ELAPOR2: variants seen among roughly 807,000 people sequenced by gnomAD.
The protein encoded by ELAPOR2 is endosome/lysosome-associated apoptosis and autophagy regulator family member 2.
In ELAPOR2, 89 loss-of-function variants were observed where a neutral mutation model predicts 120.7. The ratio of observed to expected loss-of-function variants is 0.74; its 90% CI spans 0.62 to 0.88. The LOEUF (loss-of-function observed/expected upper bound fraction) is 0.88, where lower values mean the gene tolerates loss of function less well. Among genes scored for constraint, ELAPOR2 ranks in the 40% least tolerant of loss-of-function variants. The pLI is 0.00. For synonymous variants in ELAPOR2, 444 were observed against 444.9 expected (o/e 1.00, Z 0.03); for missense variants, 1,134 against 1,251.6 (o/e 0.91, Z 1.42).
intron 1 of ELAPOR2, among the ~76,000 whole-genome samples, chr7:86,999,352 T>A (rs1793235956): frequency 6.6e-6 from 1 of 152,100 alleles, no homozygotes; most frequent in Admixed American, 6.6e-5. Flanking sequence ...AAGAAACCTT[T>A]CCAAGAAAAG....
chr7:86,975,079 G>T (rs2116525802), intron 1 of ELAPOR2, among the ~76,000 whole-genome samples: 1 of 152,292 alleles, frequency 6.6e-6, no homozygotes, highest in South Asian at 2.1e-4. Context: ...TCAAACGAGA[G>T]AAAAGAGAAC....
At chr7:87,022,480 T>C (rs534657107) in intron 1 of ELAPOR2, among the ~76,000 whole-genome samples, 9 of 152,288 alleles carry the variant, frequency 5.9e-5, no homozygotes, top group Non-Finnish European at 1.2e-4. Flanking sequence ...CAGTCTATCA[T>C]TGTTGAACAT....
At chr7:86,909,223 G>A (rs1284455918) in intron 16 of ELAPOR2, among the ~76,000 whole-genome samples, 1 of 151,836 alleles carries the variant, frequency 6.6e-6, no homozygotes, top group African/African-American at 2.4e-5. Flanking sequence ...CCACACATCC[G>A]AATCACCTAT....
At chr7:87,006,651 A>G (rs1287266422) in intron 1 of ELAPOR2, among the ~76,000 whole-genome samples, 1 of 152,212 alleles carries the variant, frequency 6.6e-6, no homozygotes, top group Non-Finnish European at 1.5e-5. Context: ...GTAGTTTCCT[A>G]TACAGCTCAA....
At chr7:86,983,230 CG>C in intron 1 of ELAPOR2, among the ~76,000 whole-genome samples, 2 of 152,306 alleles carry the variant, frequency 1.3e-5, no homozygotes, top group East Asian at 3.9e-4. Context: ...CTGAAAGTGA[CG>C]GGCAGAATGG....
Position 86,914,830 on chromosome 7 carries a change from C to G in ELAPOR2, c.1624G>C (p.Glu542Gln), listed in dbSNP as rs1789489188. Residue 542 changes from glutamate (E) to glutamine (Q), a missense_variant, in exon 13 of 22, where the codon GAA becomes CAA. By Grantham distance (29) the Glu-to-Gln change is conservative. Around this residue, in one of 3 missense-constraint regions of ELAPOR2, gnomAD observed 831 missense variants for 867.6 expected, o/e 0.96. Transcript: ENST00000450689. ...TTTTCTTTGGTTCCACCCCACGATT[C>G]TACCACATTTGTACTTTTTCTATTA... ...DINRKSTNVV[E>Q]SWGGTKEKQA... The G allele has an allele frequency of 1.2e-6, 2 of 1,610,958 alleles. No homozygotes were observed. The highest frequency in any genetic ancestry group is 1.7e-6 in the Non-Finnish European group (2 of 1,178,624).
At chr7:86,955,959 AAAAAAAAAAGG>A (rs1214778648) in intron 2 of ELAPOR2, among the ~76,000 whole-genome samples, 1 of 112,444 alleles carries the variant, frequency 8.9e-6, no homozygotes, top group Non-Finnish European at 1.9e-5. Context: ...TGCAAAAAAC[AAAAAAAAAAGG>A]AAAAGAAAAG....
rs559732767 is a variant in ELAPOR2 at position 87,048,878 on chromosome 7, TTA to T, written c.189+10445_189+10446del. On this transcript the variant is annotated intron_variant, in intron 1 of 21. Transcript: ENST00000450689. ...TTCAGTGTTGTCCAGAGTATACAGT[TTA>T]TGTCCTTCAATCTAACTTTTCTGCT... Among the ~76,000 whole-genome samples, 180 of 152,360 alleles carry T rather than the reference TTA, an allele frequency of 1.2e-3. 1 individual carries two copies. The highest frequency in any genetic ancestry group is 4.1e-3 in the African/African-American group (171 of 41,588).
At chr7:86,890,002 T>C (rs1788064249) in intron 21 of ELAPOR2, among the ~76,000 whole-genome samples, 1 of 151,798 alleles carries the variant, frequency 6.6e-6, no homozygotes, top group Non-Finnish European at 1.5e-5. Flanking sequence ...GGTGTCCTAT[T>C]GGTAGTAGCT....
At chr7:87,054,784 G>A (rs1229962272) in intron 1 of ELAPOR2, among the ~76,000 whole-genome samples, 1 of 152,084 alleles carries the variant, frequency 6.6e-6, no homozygotes, top group Non-Finnish European at 1.5e-5. Context: ...CATCCCATAG[G>A]AAACACTCTG....
At chr7:86,965,924 G>T (rs1791885908) in intron 1 of ELAPOR2, 1 of 985,252 alleles carries the variant, frequency 1.0e-6, no homozygotes. Flanking sequence ...ACATCACCAT[G>T]CGGACATCAG....
intron 1 of ELAPOR2, among the ~76,000 whole-genome samples, chr7:87,046,080 G>A (rs895978885): frequency 6.6e-6 from 1 of 151,966 alleles, no homozygotes; most frequent in African/African-American, 2.4e-5. Context: ...AAAACTATTA[G>A]GACTGATAAA....
At chr7:87,043,818 T>G (rs1023424676) in intron 1 of ELAPOR2, among the ~76,000 whole-genome samples, 1 of 150,952 alleles carries the variant, frequency 6.6e-6, no homozygotes, top group Non-Finnish European at 1.5e-5. Flanking sequence ...GGAAGTCAAA[T>G]TGTCCCTGTT....
chr7:87,028,526 T>C (rs1034632007), intron 1 of ELAPOR2, among the ~76,000 whole-genome samples: 4 of 152,090 alleles, frequency 2.6e-5, no homozygotes, highest in African/African-American at 9.7e-5. Flanking sequence ...AATACATATA[T>C]ATAAATATAT....
At chr7:87,026,462 AAG>A (rs536845238) in intron 1 of ELAPOR2, among the ~76,000 whole-genome samples, 12 of 152,078 alleles carry the variant, frequency 7.9e-5, no homozygotes, top group African/African-American at 2.6e-4. Context: ...TAAAAAAAAA[AAG>A]ACTCTCTCAA....
chr7:86,900,771 T>C (rs1330008079), intron 18 of ELAPOR2, among the ~76,000 whole-genome samples: 1 of 152,202 alleles, frequency 6.6e-6, no homozygotes. Context: ...AGTCCTTCCG[T>C]GTGAAACAGG....
chr7:86,965,102 C>G (rs1382352120), intron 1 of ELAPOR2, 78 bp from the exon 2 acceptor site: 5 of 1,464,198 alleles, frequency 3.4e-6, no homozygotes, highest in African/African-American at 2.8e-5. Flanking sequence ...TCACCCCAAG[C>G]CCCTGTTTCC....
At chr7:86,932,559 A>G (rs995755834) in intron 8 of ELAPOR2, among the ~76,000 whole-genome samples, 25 of 151,942 alleles carry the variant, frequency 1.6e-4, no homozygotes, top group African/African-American at 5.1e-4. Context: ...TAAAATCTTA[A>G]GTCTTTTCTG....
Position 86,893,032 on chromosome 7 carries a change from C to T in ELAPOR2, c.2754G>A (p.Leu918=). 3 of 1,586,154 alleles carry T rather than the reference C, an allele frequency of 1.9e-6. No individual in the cohort carries two copies. The highest frequency in any genetic ancestry group is 2.6e-6 in the Non-Finnish European group (3 of 1,169,904). Residue 918 remains leucine (L), a synonymous_variant, in exon 20 of 22, where the codon TTG becomes TTA. Coordinates refer to ENST00000450689, the MANE Select transcript of ELAPOR2 (RefSeq NM_001142749.3). ...IKGISLPEKK[L]ATCETVDFWL... ...AAAAGTCAACCGTTTCACAGGTTGC[C>T]AACTTTTTCTCAGGCAAAGAAATTC... is the stretch of plus-strand genomic sequence containing the variant.
Sources: gnomAD v4.1 joint callset for allele counts (sites outside exome capture counted in the v4.1 genomes callset) on GRCh38, gnomAD v4.1.1 for gene constraint, gnomAD v4.1.1 regional missense constraint, MANE v1.5 for transcripts, NCBI Gene and HGNC (gene_info 2026-07-23, HGNC 2026-07-21) for gene names.